Variants in FUNDC1 observed in about 807,000 individuals in gnomAD.
FUNDC1 encodes the protein FUN14 domain containing 1, also known as FUN14 domain-containing protein 1.
FUNDC1 carries 10 observed loss-of-function variants against 14.5 expected under a neutral mutation model. The ratio of observed to expected loss-of-function variants is 0.69; its 90% CI spans 0.43 to 1.17. The LOEUF is 1.17. Among genes scored for constraint, FUNDC1 ranks in the 50% most tolerant of loss-of-function variants. The pLI is 0.00. For missense variants in FUNDC1, 115 were observed against 113.8 expected, an observed-to-expected ratio of 1.01 and a Z score of -0.05; for synonymous variants, 33 against 39.7, an observed-to-expected ratio of 0.83 and a Z score of 0.64.
At chrX:44,534,151 T>A (rs1329789473) in intron 3 of FUNDC1, among the ~76,000 whole-genome samples, 2 of 103,206 alleles carry the variant, frequency 1.9e-5, no homozygotes, top group East Asian at 3.1e-4. Context: ...AAGATAGAAG[T>A]GGAAAATTGA....
rs773745948 is a variant in FUNDC1, at chrX:44,538,348, A to G, written c.261+119T>C. 2.1e-4 allele frequency: 109 copies of G among 522,389 alleles called. No individual in the cohort carries two copies. The African/African-American group carries it at 2.4e-3, about 12-fold the overall frequency. 43.1% of individuals were successfully genotyped at this position (522,389 alleles called of 1,213,427 possible). The stretch of plus-strand genomic sequence containing the variant: ...ATAACTCAGAAGTATTTAAATTGTT[A>G]TCTTTCAAGACAAAAGTCAGCTTCC... On this transcript the variant is annotated intron_variant, in intron 3 of 4. Transcript: ENST00000378045.
chrX:44,536,670 T>C (rs969142461), intron 3 of FUNDC1, among the ~76,000 whole-genome samples: 12 of 111,291 alleles, frequency 1.1e-4, no homozygotes, highest in African/African-American at 3.9e-4. Context: ...AATTAACTTG[T>C]TTAGGGAAAA....
chrX:44,531,258 AC>A (rs1399870797), intron 3 of FUNDC1, among the ~76,000 whole-genome samples: 7 of 71,413 alleles, frequency 9.8e-5, no homozygotes, highest in African/African-American at 5.3e-4. Flanking sequence ...ACACACACAC[AC>A]ACACACACAC....
chrX:44,535,614 G>A (rs1275361275), intron 3 of FUNDC1, among the ~76,000 whole-genome samples: 1 of 97,489 alleles, frequency 1.0e-5, no homozygotes, highest in Non-Finnish European at 2.0e-5. Context: ...AGCTTGCAGT[G>A]AGCTGAGATC....
intron 3 of FUNDC1, among the ~76,000 whole-genome samples, chrX:44,531,424 GGCTTTTT>G (rs1412978721): frequency 9.4e-4 from 99 of 105,856 alleles, no homozygotes; most frequent in African/African-American, 3.2e-3. Flanking sequence ...AGGTAGATGG[GGCTTTTT>G]GCTTGTGAAC....
intron 2 of FUNDC1, among the ~76,000 whole-genome samples, chrX:44,541,238 C>T (rs1215063849): frequency 8.9e-6 from 1 of 112,194 alleles, no homozygotes; most frequent in Non-Finnish European, 1.9e-5. Context: ...TTTGTTTCTG[C>T]CCCTTGTTAT....
At chrX:44,541,881 T>G in intron 2 of FUNDC1, 64 bp downstream of exon 2, 2 of 1,022,842 alleles carry the variant, frequency 2.0e-6, no homozygotes, top group African/African-American at 1.9e-5. Flanking sequence ...TTCTTGCCCA[T>G]GTATGAAAGG....
chrX:44,526,489 G>C (rs936432370), intron 4 of FUNDC1, among the ~76,000 whole-genome samples: 8 of 78,755 alleles, frequency 1.0e-4, no homozygotes, highest in Non-Finnish European at 1.7e-4. Flanking sequence ...AATAAAAAAG[G>C]GGGGGGGGCG....
At chrX:44,541,671 T>C (rs1158297374) in intron 2 of FUNDC1, among the ~76,000 whole-genome samples, 1 of 111,214 alleles carries the variant, frequency 9.0e-6, no homozygotes, top group Non-Finnish European at 1.9e-5. Flanking sequence ...ATCCACGACA[T>C]TTGCTGAACA....
chrX:44,535,629 C>A (rs1304101630), intron 3 of FUNDC1, among the ~76,000 whole-genome samples: 2 of 93,955 alleles, frequency 2.1e-5, no homozygotes, highest in African/African-American at 8.6e-5. Flanking sequence ...GAGATCGCAC[C>A]ACTGCACTCC....
intron 3 of FUNDC1, among the ~76,000 whole-genome samples, chrX:44,534,756 T>C (rs1243449700): frequency 1.8e-5 from 2 of 112,091 alleles, no homozygotes; most frequent in East Asian, 5.6e-4. Context: ...AATGAAGAAA[T>C]TTTCAGACAT....
chrX:44,524,151 A>C lies in FUNDC1; in HGVS notation c.*47T>G. The C allele has an allele frequency of 1.1e-6, 1 of 929,202 alleles. No homozygotes were observed. The highest frequency in any genetic ancestry group is 2.0e-5 in the South Asian group (1 of 49,921). The allele number at this position is 929,202 out of a possible 1,213,427, so 76.6% of individuals were successfully genotyped here. A position where few individuals can be genotyped will look rare whatever the true frequency, so the allele number is the denominator to read the frequency against. ...TTTGAGAGACTGCCTTATTGCTGCC[A>C]CTTCTCTTCTCATAGTTGAATCCGT... On this transcript the variant is annotated 3_prime_UTR_variant, in exon 5 of 5. Coordinates refer to ENST00000378045, the MANE Select transcript of FUNDC1 (RefSeq NM_173794.4).
chrX:44,528,917 G>C (rs191258632), intron 3 of FUNDC1, among the ~76,000 whole-genome samples: 1,131 of 110,353 alleles, frequency 0.01, 17 homozygotes, highest in African/African-American at 0.034. Context: ...GGATAGTCTC[G>C]ATCTCCTGAC....
In FUNDC1 at chrX:44,524,275, C is replaced by A. The variant is rs1209147037; in HGVS notation, c.391G>T (p.Ala131Ser). 1 of 1,183,332 alleles carries A rather than the reference C, an allele frequency of 8.5e-7. No individual in the cohort carries two copies. ...ATGTTCTGCTTGATAAATTCTGTTGCCTGAAACAAAGTTTAAACAAAAATA... is the reference window on the plus strand; with the variant it reads ...ATGTTCTGCTTGATAAATTCTGTTGACTGAAACAAAGTTTAAACAAAAATA... ...APEINNLIEE[A>S]TEFIKQNIVI... is the part of the protein sequence containing the mutation. The change falls in exon 5 of 5, where the codon GCA (alanine) becomes TCA (serine). Residue 131 changes from alanine to serine, a missense_variant and splice_region_variant. By Grantham distance (99) the Ala-to-Ser change is moderately conservative. Transcript: ENST00000378045.
chrX:44,530,795 C>CTG (rs35988006), intron 3 of FUNDC1, among the ~76,000 whole-genome samples: 15,415 of 109,073 alleles, frequency 0.14, 1,775 homozygotes, highest in African/African-American at 0.38. Flanking sequence ...TGGCTCACAC[C>CTG]TAATCACAGC....
At chrX:44,527,118 C>A in intron 4 of FUNDC1, 119 bp downstream of exon 4, 1 of 487,268 alleles carries the variant, frequency 2.1e-6, no homozygotes, top group East Asian at 4.1e-5. Context: ...GATATATAAC[C>A]AAAAACACCA....
chrX:44,542,327 A>G, intron 1 of FUNDC1: 1 of 398,678 alleles, frequency 2.5e-6, no homozygotes, highest in South Asian at 4.1e-5. Context: ...AGGCCCGGGG[A>G]CCAGCCTGGG....
intron 2 of FUNDC1, among the ~76,000 whole-genome samples, chrX:44,541,576 T>A (rs959911044): frequency 1.9e-4 from 21 of 112,070 alleles, no homozygotes; most frequent in Admixed American, 1.1e-3. Context: ...TCTTAGGTTT[T>A]TTCAGCAGTT....
chrX:44,535,433 C>T (rs1465276261), intron 3 of FUNDC1, among the ~76,000 whole-genome samples: 3 of 109,280 alleles, frequency 2.7e-5, no homozygotes. Flanking sequence ...TTTGGGAGGC[C>T]GAGGCGGGCA....
Sources: gnomAD v4.1 joint callset for allele counts (sites outside exome capture counted in the v4.1 genomes callset) on GRCh38, gnomAD v4.1.1 for gene constraint, MANE v1.5 for transcripts, NCBI Gene and HGNC (gene_info 2026-07-23, HGNC 2026-07-21) for gene names.